HMGCLL1: variants seen among roughly 807,000 people sequenced by gnomAD.
HMGCLL1 encodes the protein 3-hydroxymethyl-3-methylglutaryl-CoA lyase, cytoplasmic.
Under a neutral mutation model 39.1 loss-of-function variants are expected in HMGCLL1, and 36 were observed. The ratio of observed to expected loss-of-function variants is 0.92; its 90% confidence interval spans 0.71 to 1.22. The LOEUF is 1.22. Among genes scored for constraint, HMGCLL1 ranks in the 50% most tolerant of loss-of-function variants. The pLI, the probability that HMGCLL1 is intolerant of heterozygous loss-of-function variation, is 0.00. For synonymous variants in HMGCLL1, 149 were observed against 144.0 expected (o/e 1.03, Z -0.25); for missense variants, 451 against 416.5 (o/e 1.08, Z -0.72).
At chr6:55,661,378 G>C in the HMGCLL1 span, among the ~76,000 whole-genome samples, 4 of 151,874 alleles carry the variant, frequency 2.6e-5, no homozygotes, top group Non-Finnish European at 5.9e-5. Flanking sequence ...AATCCATCTT[G>C]AGTTTATTTT....
At chr6:55,435,964 C>A (rs1489459689) in intron 8 of HMGCLL1, among the ~76,000 whole-genome samples, 1 of 151,936 alleles carries the variant, frequency 6.6e-6, no homozygotes, top group African/African-American at 2.4e-5. Context: ...TGCTTTATTA[C>A]AGCATATCTT....
the HMGCLL1 span, among the ~76,000 whole-genome samples, chr6:55,628,918 A>C: frequency 6.6e-6 from 1 of 152,256 alleles, no homozygotes; most frequent in South Asian, 2.1e-4. Context: ...GTGGAACTGT[A>C]AGTCCATTAA....
chr6:55,572,913 A>T (rs1581965588), intron 1 of HMGCLL1, among the ~76,000 whole-genome samples: 1 of 152,296 alleles, frequency 6.6e-6, no homozygotes, highest in Middle Eastern at 3.4e-3. Context: ...AGGAGAAAAA[A>T]ATAAAGTGGT....
At chr6:55,449,622 A>C (rs747231688) in intron 7 of HMGCLL1, among the ~76,000 whole-genome samples, 1 of 152,154 alleles carries the variant, frequency 6.6e-6, no homozygotes, top group Non-Finnish European at 1.5e-5. Context: ...GCTGCTTTCT[A>C]TTTGTTCCAC....
intron 7 of HMGCLL1, among the ~76,000 whole-genome samples, chr6:55,450,873 T>C (rs1764050487): frequency 6.6e-6 from 1 of 152,138 alleles, no homozygotes; most frequent in Admixed American, 6.5e-5. Context: ...GGAGAGACAA[T>C]ACATATATCC....
intron 7 of HMGCLL1, among the ~76,000 whole-genome samples, chr6:55,486,845 G>T (rs2127417413): frequency 6.6e-6 from 1 of 152,248 alleles, no homozygotes; most frequent in Non-Finnish European, 1.5e-5. Flanking sequence ...AAGCTGGGAA[G>T]TCCACGATAA....
In HMGCLL1 at chr6:55,474,266, C is replaced by A. The variant is rs1231758767; in HGVS notation, c.795+21153G>T. On this transcript the variant is annotated intron_variant, in intron 7 of 8. Transcript: ENST00000274901. Reference sequence around the variant, plus strand: ...ACATACATAATGGATCTCTACAGAGCCTTTTAAAATCGTGTAATAGTTCTC... The same window carrying A: ...ACATACATAATGGATCTCTACAGAGACTTTTAAAATCGTGTAATAGTTCTC... Among the ~76,000 whole-genome samples, 10 of 151,386 alleles carry A rather than the reference C, an allele frequency of 6.6e-5. No homozygotes were observed. The Admixed American group carries it at 6.6e-4, about 10-fold the overall frequency.
intron 1 of HMGCLL1, among the ~76,000 whole-genome samples, chr6:55,559,250 TATTTA>T (rs1027178193): frequency 9.9e-5 from 15 of 152,134 alleles, no homozygotes; most frequent in Admixed American, 9.8e-4. Context: ...TATAGTCCTT[TATTTA>T]ATTTGCCCAA....
In HMGCLL1 at chr6:55,499,287, A is replaced by C; in HGVS notation, c.555T>G (p.Cys185Trp). The change falls in exon 6 of 9, where the codon TGT becomes TGG. Residue 185 changes from cysteine to tryptophan, a missense_variant. Coordinates refer to ENST00000274901, the MANE Select transcript of HMGCLL1 (RefSeq NM_001042406.2). ...MNIPARGYVS[C>W]ALGCPYEGSI... ...TTCCTTCATATGGACAGCCCAGAGC[A>C]CAAGACACATACCTAAATTAAAAAT... 3.1e-6 allele frequency: 5 copies of C among 1,603,206 alleles called. No homozygotes were observed. Among genetic ancestry groups the C allele is most frequent in the Non-Finnish European group, 4.3e-6 (5 of 1,174,538 alleles).
chr6:55,476,956 T>C (rs1765322542), intron 7 of HMGCLL1, among the ~76,000 whole-genome samples: 1 of 137,726 alleles, frequency 7.3e-6, no homozygotes, highest in Non-Finnish European at 1.6e-5. Context: ...TTAAATCAAA[T>C]TATGAATTCG....
chr6:55,651,672 G>T, the HMGCLL1 span, among the ~76,000 whole-genome samples: 4 of 152,130 alleles, frequency 2.6e-5, no homozygotes, highest in East Asian at 5.8e-4. Flanking sequence ...AGGAATTGTA[G>T]TCCTTGTGAC....
the HMGCLL1 span, among the ~76,000 whole-genome samples, chr6:55,674,121 G>A: frequency 6.6e-6 from 1 of 151,886 alleles, no homozygotes; most frequent in Non-Finnish European, 1.5e-5. Context: ...TGAAAATGAT[G>A]TTGATACATG....
At chr6:55,640,466 C>T in the HMGCLL1 span, among the ~76,000 whole-genome samples, 1 of 151,786 alleles carries the variant, frequency 6.6e-6, no homozygotes. Flanking sequence ...TTAAGCTATA[C>T]AACTTGTGCT....
chr6:55,473,181 C>T (rs1765121159), intron 7 of HMGCLL1, among the ~76,000 whole-genome samples: 1 of 151,144 alleles, frequency 6.6e-6, no homozygotes, highest in African/African-American at 2.4e-5. Context: ...ATAGTTGGGT[C>T]TTGCTTTTAA....
chr6:55,549,331 T>C (rs1056700606), intron 1 of HMGCLL1, among the ~76,000 whole-genome samples: 4 of 151,740 alleles, frequency 2.6e-5, no homozygotes, highest in South Asian at 2.1e-4. Context: ...AAAATTTATT[T>C]TGAAAACTAC....
chr6:55,586,598 T>G, the HMGCLL1 span, among the ~76,000 whole-genome samples: 1 of 145,264 alleles, frequency 6.9e-6, no homozygotes, highest in Non-Finnish European at 1.5e-5. Flanking sequence ...CCTGTGTCCA[T>G]GTGTTCTCCT....
rs979433935 is a variant in HMGCLL1, at chr6:55,503,439, A to C, written c.543-4140T>G. ...TACCCCCATATGCTTCTGTGGTATCAACCTACATGATTGCCACATTTTCAT... is the reference window on the plus strand; with the variant it reads ...TACCCCCATATGCTTCTGTGGTATCCACCTACATGATTGCCACATTTTCAT... On this transcript the variant is annotated intron_variant, in intron 5 of 8. Coordinates refer to ENST00000274901, the MANE Select transcript of HMGCLL1 (RefSeq NM_001042406.2). Among the ~76,000 whole-genome samples, 5 of 151,466 alleles carry C rather than the reference A, an allele frequency of 3.3e-5. No individual in the cohort carries two copies. The South Asian group carries it at 1.0e-3, about 31-fold the overall frequency.
At chr6:55,621,452 G>A in the HMGCLL1 span, among the ~76,000 whole-genome samples, 4 of 151,846 alleles carry the variant, frequency 2.6e-5, no homozygotes, top group Non-Finnish European at 4.4e-5. Context: ...TCACATTACC[G>A]CCTGAGCTCC....
the HMGCLL1 span, among the ~76,000 whole-genome samples, chr6:55,671,636 G>A: frequency 1.3e-5 from 2 of 151,762 alleles, no homozygotes; most frequent in Non-Finnish European, 2.9e-5. Context: ...AAATGTTGGA[G>A]GTTCTATCAG....
Sources: allele counts gnomAD v4.1 joint callset (sites outside exome capture counted in the v4.1 genomes callset), GRCh38; gene constraint gnomAD v4.1.1; transcripts MANE v1.5; gene names NCBI Gene and HGNC (gene_info 2026-07-23, HGNC 2026-07-21).